LMF1: variants seen among roughly 807,000 people sequenced by gnomAD.
LMF1 encodes transmembrane protein 112.
Under a neutral mutation model 60.6 loss-of-function variants are expected in LMF1, and 68 were observed. The ratio of observed to expected loss-of-function variants is 1.12; its 90% confidence interval spans 0.92 to 1.37. The LOEUF (loss-of-function observed/expected upper bound fraction) is 1.37, where lower values mean the gene tolerates loss of function less well. Ranked by LOEUF, LMF1 falls within the 40% of genes most tolerant of loss-of-function variation. LMF1 has a pLI of 0.00. For missense variants in LMF1, 948 were observed against 767.2 expected (o/e 1.24, Z -2.78); for synonymous variants, 418 against 324.7 (o/e 1.29, Z -3.09).
rs953849112 is a variant in LMF1, at chr16:874,651, G to A, written c.898-3310C>T. ...CTGCTCATGCCGCAACTCCCCAACG[G>A]AAGGATCACGGGAACCAGGACAGGC... is the stretch of plus-strand genomic sequence containing the variant. On this transcript the variant is annotated intron_variant, in intron 6 of 10. Coordinates refer to ENST00000262301, the MANE Select transcript of LMF1 (RefSeq NM_022773.4). This position sits in a 1 kb window ranked among gnomAD's most constrained non-coding sequence, Gnocchi z 4.1. Among the ~76,000 whole-genome samples the A allele has an allele frequency of 6.6e-6, 1 of 152,168 alleles. No homozygotes were observed. The highest frequency in any genetic ancestry group is 1.5e-5 in the Non-Finnish European group (1 of 68,022).
intron 5 of LMF1, among the ~76,000 whole-genome samples, chr16:885,697 G>A (rs183831713): frequency 2.6e-5 from 4 of 152,338 alleles, no homozygotes; most frequent in South Asian, 2.1e-4. Context: ...ACACGTATGT[G>A]CCTGATAATA....
At position 954,744 on chromosome 16, in the gene LMF1, G is replaced by A. The variant is rs567319619; in HGVS notation, c.194-78C>T. On this transcript the variant is annotated intron_variant, in intron 1 of 10. Coordinates refer to ENST00000262301, the MANE Select transcript of LMF1 (RefSeq NM_022773.4). ...ACACCATGGGCGCAGCTCAGAATGCGGGGCGAGGCAGGCGGGAAGGGGAGG... is the reference window on the plus strand; with the variant it reads ...ACACCATGGGCGCAGCTCAGAATGCAGGGCGAGGCAGGCGGGAAGGGGAGG... The A allele has an allele frequency of 2.7e-4, 374 of 1,370,530 alleles. 2 individuals carry two copies. The East Asian group carries it at 7.4e-3, about 27-fold the overall frequency. The allele number at this position is 1,370,530 out of a possible 1,614,324, so 84.9% of individuals were successfully genotyped here.
At chr16:893,549 G>A (rs1351809238) in intron 4 of LMF1, among the ~76,000 whole-genome samples, 1 of 152,128 alleles carries the variant, frequency 6.6e-6, no homozygotes, top group African/African-American at 2.4e-5. Context: ...CGCAGGCCCC[G>A]TGTGTCTCCC....
chr16:924,038 G>A (rs1163502193), intron 3 of LMF1, among the ~76,000 whole-genome samples: 1 of 152,192 alleles, frequency 6.6e-6, no homozygotes, highest in African/African-American at 2.4e-5. Flanking sequence ...TAGAAAAAAA[G>A]TTACTATAGT....
chr16:934,806 G>A (rs369054573), intron 2 of LMF1, among the ~76,000 whole-genome samples: 11 of 152,202 alleles, frequency 7.2e-5, no homozygotes, highest in Non-Finnish European at 7.3e-5. Flanking sequence ...AGGCAGAGCC[G>A]CGGGAAAGCA....
chr16:859,141 G>A (rs1481069949), intron 10 of LMF1, among the ~76,000 whole-genome samples: 1 of 134,108 alleles, frequency 7.5e-6, no homozygotes, highest in Non-Finnish European at 1.5e-5. Context: ...CTGATGTCAC[G>A]GGACGGGTGT....
At chr16:895,414 G>A (rs2070635047) in intron 4 of LMF1, among the ~76,000 whole-genome samples, 5 of 152,324 alleles carry the variant, frequency 3.3e-5, no homozygotes, top group Admixed American at 2.6e-4. Context: ...AGGCCAGCCA[G>A]GCCAACAGAA....
At chr16:938,034 A>AC (rs2071992524) in intron 2 of LMF1, among the ~76,000 whole-genome samples, 1 of 126,180 alleles carries the variant, frequency 7.9e-6, no homozygotes, top group Non-Finnish European at 1.6e-5. Context: ...TACAGAAGTT[A>AC]CCAAAAAAAA....
rs973272197 is a variant in LMF1, at chr16:874,153, C to T, written c.898-2812G>A. ...AACGTGCTGGAGGCCCCCGAGTTCA[C>T]TTCAAAAGCATGAACTTACTTTGCG... On this transcript the variant is annotated intron_variant, in intron 6 of 10. Transcript: ENST00000262301. This position sits in a 1 kb window ranked among gnomAD's most constrained non-coding sequence, Gnocchi z 4.1. Among the ~76,000 whole-genome samples the T allele has an allele frequency of 6.6e-6, 1 of 152,212 alleles. No homozygotes were observed. Among genetic ancestry groups the T allele is most frequent in the African/African-American group, 2.4e-5 (1 of 41,456 alleles).
chr16:947,335 C>G, intron 2 of LMF1: 5 of 382,702 alleles, frequency 1.3e-5, no homozygotes, highest in South Asian at 9.7e-5. Context: ...CCCACCCACC[C>G]AGTTGGGGCT....
intron 4 of LMF1, among the ~76,000 whole-genome samples, chr16:908,713 G>A (rs753693969): frequency 1.6e-4 from 25 of 152,356 alleles, no homozygotes; most frequent in Admixed American, 3.9e-4. Context: ...CCTGGGAGGC[G>A]GAGCCAGCCC....
At chr16:979,286 T>A in intron 1 of LMF1, 2 of 359,992 alleles carry the variant, frequency 5.6e-6, no homozygotes, top group Non-Finnish European at 5.5e-6. Flanking sequence ...GGAAGGGGGG[T>A]TTGTGGGCAC....
chr16:879,433 G>T (rs1171638537), intron 6 of LMF1, 137 bp downstream of exon 6: 2 of 1,025,640 alleles, frequency 1.9e-6, no homozygotes, highest in African/African-American at 3.3e-5. Context: ...ACAAACGAAG[G>T]CTGGGGAGGA....
intron 4 of LMF1, among the ~76,000 whole-genome samples, chr16:896,137 C>G (rs12598385): frequency 5.7e-5 from 3 of 52,742 alleles, no homozygotes. Context: ...ACGGTCCACA[C>G]ACACGCCTCG....
chr16:977,679 T>G (rs1596188327), intron 1 of LMF1, among the ~76,000 whole-genome samples: 16 of 97,854 alleles, frequency 1.6e-4, no homozygotes, highest in South Asian at 3.3e-4. Context: ...GGGTTGGGGG[T>G]GGATGGAGGG....
chr16:893,214 C>G (rs910495900), intron 4 of LMF1, 142 bp from the exon 5 acceptor site: 1 of 732,146 alleles, frequency 1.4e-6, no homozygotes, highest in Non-Finnish European at 2.4e-6. Flanking sequence ...GGGGACCTTA[C>G]GTATGAAACA....
In LMF1 at chr16:860,499, C is replaced by T. The variant is rs1273090256; in HGVS notation, c.1530-5793G>A. On this transcript the variant is annotated intron_variant, in intron 10 of 10. Transcript: ENST00000262301. ...GGACTACAGGCATGTGCCACCAGGC[C>T]CTGCTAATTTTTTGTGTTTTTAGTA... Among the ~76,000 whole-genome samples the T allele has an allele frequency of 2.0e-5, 3 of 152,126 alleles. No homozygotes were observed. In the South Asian group the frequency reaches 6.2e-4, roughly 32 times the overall value.
intron 1 of LMF1, among the ~76,000 whole-genome samples, chr16:963,401 T>C (rs577292525): frequency 5.3e-5 from 8 of 152,114 alleles, no homozygotes; most frequent in African/African-American, 1.7e-4. Flanking sequence ...CCTGTGTGTA[T>C]GTGTCTGTAC....
intron 2 of LMF1, among the ~76,000 whole-genome samples, chr16:944,955 T>C (rs935046367): frequency 1.3e-5 from 2 of 152,110 alleles, no homozygotes; most frequent in African/African-American, 4.8e-5. Flanking sequence ...GGCTCATGCC[T>C]GTAATCCCAG....
Sources: allele counts gnomAD v4.1 joint callset (sites outside exome capture counted in the v4.1 genomes callset), GRCh38; gene constraint gnomAD v4.1.1; non-coding constraint Gnocchi (gnomAD v3.1); transcripts MANE v1.5; gene names NCBI Gene and HGNC (gene_info 2026-07-23, HGNC 2026-07-21).